The following MDN1 variants were observed in gnomAD, a reference collection of about 807,000 sequenced individuals.
MDN1 encodes midasin AAA ATPase 1, also known as midasin.
Under a neutral mutation model 669.2 loss-of-function variants are expected in MDN1, and 266 were observed. The observed-to-expected ratio is 0.40, with a 90% confidence interval of 0.36 to 0.44. The LOEUF (loss-of-function observed/expected upper bound fraction) is 0.44, where lower values mean the gene tolerates loss of function less well. Among genes scored for constraint, MDN1 ranks in the 20% least tolerant of loss-of-function variants. MDN1 has a pLI of 1.00. For synonymous variants in MDN1, 2,385 were observed against 2,457.1 expected, an observed-to-expected ratio of 0.97 and a Z score of 0.87; for missense variants, 5,940 against 6,754.0, an observed-to-expected ratio of 0.88 and a Z score of 4.22.
chr6:89,784,606 T>G (rs1175450456), intron 9 of MDN1, among the ~76,000 whole-genome samples: 1 of 152,180 alleles, frequency 6.6e-6, no homozygotes, highest in East Asian at 1.9e-4. Flanking sequence ...TAAAGTGATT[T>G]ACCTCAATTC....
intron 15 of MDN1, 34 bp from the exon 16 acceptor site, chr6:89,762,564 C>A: frequency 6.6e-7 from 1 of 1,506,210 alleles, no homozygotes; most frequent in Non-Finnish European, 9.1e-7. Context: ...GATTCACAAA[C>A]TTCTGAAGTT....
intron 31 of MDN1, among the ~76,000 whole-genome samples, chr6:89,740,583 A>C (rs1816240653): frequency 6.6e-6 from 1 of 152,216 alleles, no homozygotes. Flanking sequence ...AGAAAAAAAA[A>C]CTTTTCAACT....
At chr6:89,784,884 T>G in intron 9 of MDN1, 128 bp downstream of exon 9, 1 of 624,430 alleles carries the variant, frequency 1.6e-6, no homozygotes, top group East Asian at 2.7e-5. Context: ...GCAAATACAG[T>G]AAAATACTAG....
At chr6:89,652,106 T>C (rs532064140) in intron 95 of MDN1, 86 bp downstream of exon 95, 18 of 1,043,416 alleles carry the variant, frequency 1.7e-5, no homozygotes, top group Middle Eastern at 4.1e-4. Flanking sequence ...AGGTAATTGC[T>C]AAGAACCTAT....
intron 59 of MDN1, among the ~76,000 whole-genome samples, chr6:89,697,271 T>C (rs1329083269): frequency 2.6e-5 from 4 of 152,120 alleles, no homozygotes; most frequent in African/African-American, 9.7e-5. Flanking sequence ...TGCATCCCTA[T>C]ATCATAAAAC....
At chr6:89,664,768 A>G in intron 84 of MDN1, 140 bp from the exon 85 acceptor site, 1 of 627,464 alleles carries the variant, frequency 1.6e-6, no homozygotes, top group Non-Finnish European at 2.6e-6. Flanking sequence ...AGACAGCCAC[A>G]TGGAATTTGT....
intron 83 of MDN1, among the ~76,000 whole-genome samples, chr6:89,669,569 A>G (rs1263286795): frequency 6.6e-6 from 1 of 152,178 alleles, no homozygotes; most frequent in Non-Finnish European, 1.5e-5. Context: ...TTGTAAATTC[A>G]TATCTTCCTC....
chr6:89,670,168 A>ATTT (rs1431713155), intron 83 of MDN1, among the ~76,000 whole-genome samples: 256 of 21,606 alleles, frequency 0.012, 2 homozygotes, highest in Non-Finnish European at 0.014. Context: ...ATATATATAT[A>ATTT]TATTTTTTTT....
chr6:89,695,499 G>A lies in MDN1; in HGVS notation c.9771+106C>T. The A allele has an allele frequency of 7.2e-7, 1 of 1,387,910 alleles. No homozygotes were observed. The allele number at this position is 1,387,910 out of a possible 1,614,324, so 86.0% of individuals were successfully genotyped here. On this transcript the variant is annotated intron_variant, in intron 61 of 101. Transcript: ENST00000369393. The surrounding 1 kb of genome is among the most constrained non-coding windows in gnomAD (Gnocchi z 4.1). ...CATAAGGCAACTTATGCAATATCATGCTTGTGATGATCTGAGCACCCAAAA... is the reference window on the plus strand; with the variant it reads ...CATAAGGCAACTTATGCAATATCATACTTGTGATGATCTGAGCACCCAAAA...
intron 53 of MDN1, among the ~76,000 whole-genome samples, chr6:89,702,898 T>G (rs78812933): frequency 0.029 from 4,390 of 152,036 alleles, 87 homozygotes; most frequent in Middle Eastern, 0.054. Context: ...TTCATCCATG[T>G]TGAGGTAACT....
intron 6 of MDN1, 23 bp downstream of exon 6, chr6:89,790,136 A>G (rs1247419424): frequency 1.9e-6 from 3 of 1,613,616 alleles, no homozygotes; most frequent in Admixed American, 1.7e-5. Flanking sequence ...ACAAGCCACC[A>G]AAACTTAACA....
chr6:89,776,751 C>T lies in MDN1; in HGVS notation c.1726-56G>A, dbSNP rs982733721. The T allele has an allele frequency of 1.4e-5, 17 of 1,232,218 alleles. No homozygotes were observed. The Admixed American group carries it at 2.6e-4, about 19-fold the overall frequency. The allele number at this position is 1,232,218 out of a possible 1,614,324, so 76.3% of individuals were successfully genotyped here. ...GATTTTTAAAATAATATATTAATCA[C>T]AGAACATCATTTTCCTGGCCACAAG... On this transcript the variant is annotated intron_variant, in intron 11 of 101. Coordinates refer to ENST00000369393, the MANE Select transcript of MDN1 (RefSeq NM_014611.3).
rs773733405 is a variant in MDN1 at position 89,701,719 on chromosome 6, G to A, written c.8307-41C>T. On this transcript the variant is annotated intron_variant, in intron 54 of 101. Coordinates refer to ENST00000369393, the MANE Select transcript of MDN1 (RefSeq NM_014611.3). ...AGGGCACAGGGGAAATAAGGAAAGG[G>A]GGAAATGCTAGACAGTAAGAGAAGC... 18 of 1,598,556 alleles carry A rather than the reference G, an allele frequency of 1.1e-5. No homozygotes were observed. The African/African-American group carries it at 2.0e-4, about 18-fold the overall frequency.
At position 89,658,303 on chromosome 6, in the gene MDN1, T is replaced by C. The variant is rs765489515; in HGVS notation, c.15089A>G (p.His5030Arg). 1.2e-6 allele frequency: 2 copies of C among 1,614,186 alleles called. No individual in the cohort carries two copies. The highest frequency in any genetic ancestry group is 1.7e-6 in the Non-Finnish European group (2 of 1,180,016). ...CACACCAGTCTGCCCACAGGAGGCATGCTCCTTCCTCTCCAAAGCCTCTGG... is the reference window on the plus strand; with the variant it reads ...CACACCAGTCTGCCCACAGGAGGCACGCTCCTTCCTCTCCAAAGCCTCTGG... Reference protein sequence around the residue: ...QVPEALERKEHASCGQTGVEN... With the variant: ...QVPEALERKERASCGQTGVEN... The change falls in exon 90 of 102, where the codon CAT becomes CGT. Residue 5030 changes from histidine to arginine, a missense_variant. Physicochemically the swap from His to Arg is conservative, Grantham distance 29 (BLOSUM62 0). This residue lies in a region of MDN1 where 2,280 missense variants were observed against 2,576.3 expected (regional missense o/e 0.88). Coordinates refer to ENST00000369393, the MANE Select transcript of MDN1 (RefSeq NM_014611.3).
intron 1 of MDN1, among the ~76,000 whole-genome samples, chr6:89,810,351 G>A (rs1287774383): frequency 2.0e-5 from 3 of 151,958 alleles, no homozygotes; most frequent in Non-Finnish European, 2.9e-5. Context: ...CAGGAGAATC[G>A]CTTGAACCCG....
chr6:89,750,290 T>C, intron 24 of MDN1, 64 bp downstream of exon 24: 4 of 1,465,206 alleles, frequency 2.7e-6, no homozygotes, highest in Non-Finnish European at 3.7e-6. Flanking sequence ...TGAAGAATAT[T>C]ACTTAAGGAA....
intron 31 of MDN1, among the ~76,000 whole-genome samples, chr6:89,742,252 A>C (rs1200466792): frequency 6.6e-6 from 1 of 152,144 alleles, no homozygotes; most frequent in Non-Finnish European, 1.5e-5. Context: ...ATCTCTACTA[A>C]AAATGCAAAA....
chr6:89,700,079 G>A lies in MDN1; in HGVS notation c.8854C>T (p.Gln2952Ter). 6.2e-7 allele frequency: 1 copy of A among 1,614,030 alleles called. No homozygotes were observed. The highest frequency in any genetic ancestry group is 8.5e-7 in the Non-Finnish European group (1 of 1,179,932). ...ATGGTTTACCTTCTGAGACAAGCTT[G>A]TGCCATAAAATCAGCTGTCACTTTG... ...RYKVTADFMA[Q>*]ACLRRCSKNQ... The change falls in exon 57 of 102, where the codon CAA becomes TAA. Residue 2952 changes from glutamine to a stop codon, truncating the protein, a stop_gained. Transcript: ENST00000369393. LOFTEE classifies it high-confidence loss of function.
At chr6:89,682,238 G>A (rs1352610576) in intron 73 of MDN1, among the ~76,000 whole-genome samples, 10 of 152,156 alleles carry the variant, frequency 6.6e-5, no homozygotes, top group African/African-American at 2.2e-4. Context: ...CAGCTTCAAC[G>A]GCATATTCTT....
Sources: gnomAD v4.1 joint callset for allele counts (sites outside exome capture counted in the v4.1 genomes callset) on GRCh38, gnomAD v4.1.1 for gene constraint, gnomAD v4.1.1 regional missense constraint, Gnocchi (gnomAD v3.1) non-coding constraint, MANE v1.5 for transcripts, NCBI Gene and HGNC (gene_info 2026-07-23, HGNC 2026-07-21) for gene names.